The following ADAMTS3 variants were observed in gnomAD, a reference collection of about 807,000 sequenced individuals.
The protein encoded by ADAMTS3 is A disintegrin and metalloproteinase with thrombospondin motifs 3.
ADAMTS3 carries 73 observed loss-of-function variants against 129.0 expected under a neutral mutation model. That is an observed-to-expected ratio of 0.57 (90% confidence interval 0.47 to 0.69). The LOEUF (loss-of-function observed/expected upper bound fraction) is 0.69, where lower values mean the gene tolerates loss of function less well. Among genes scored for constraint, ADAMTS3 ranks in the 30% least tolerant of loss-of-function variants. The pLI is 0.00. For synonymous variants in ADAMTS3, 477 were observed against 510.8 expected (o/e 0.93, Z 0.89); for missense variants, 1,457 against 1,514.5 (o/e 0.96, Z 0.63).
intron 4 of ADAMTS3, among the ~76,000 whole-genome samples, chr4:72,410,941 T>C (rs1722171752): frequency 6.6e-6 from 1 of 152,152 alleles, no homozygotes; most frequent in African/African-American, 2.4e-5. Flanking sequence ...ATGCTATTCG[T>C]TTGCTAGAAA....
intron 17 of ADAMTS3, among the ~76,000 whole-genome samples, chr4:72,300,015 A>G (rs1372896093): frequency 6.6e-6 from 1 of 152,190 alleles, no homozygotes; most frequent in Non-Finnish European, 1.5e-5. Context: ...ATTCCAAACT[A>G]AATTTTTAGA....
At chr4:72,402,199 A>G (rs1232892855) in intron 4 of ADAMTS3, among the ~76,000 whole-genome samples, 1 of 152,142 alleles carries the variant, frequency 6.6e-6, no homozygotes, top group Non-Finnish European at 1.5e-5. Flanking sequence ...ATCAAAACCC[A>G]AGCATCTTTG....
intron 4 of ADAMTS3, among the ~76,000 whole-genome samples, chr4:72,362,778 G>A (rs959113887): frequency 1.3e-5 from 2 of 152,096 alleles, no homozygotes; most frequent in South Asian, 4.2e-4. Flanking sequence ...TTTAACAACA[G>A]TTGTGAAAAA....
At chr4:72,436,208 A>AT (rs1199714384) in intron 3 of ADAMTS3, among the ~76,000 whole-genome samples, 1 of 152,164 alleles carries the variant, frequency 6.6e-6, no homozygotes, top group Non-Finnish European at 1.5e-5. Flanking sequence ...ATGAACAGAC[A>AT]CTTCTCAAAA....
At chr4:72,322,716 T>G (rs1344318724) in intron 6 of ADAMTS3, among the ~76,000 whole-genome samples, 1 of 152,096 alleles carries the variant, frequency 6.6e-6, no homozygotes, top group East Asian at 1.9e-4. Flanking sequence ...GGAAATTCTC[T>G]CTCCTCATAA....
intron 3 of ADAMTS3, among the ~76,000 whole-genome samples, chr4:72,509,934 C>A (rs1720268740): frequency 6.6e-6 from 1 of 151,900 alleles, no homozygotes; most frequent in African/African-American, 2.4e-5. Flanking sequence ...TGGGAGTTAT[C>A]CCTGGGATTC....
At chr4:72,556,441 C>T (rs1394656810) in intron 2 of ADAMTS3, among the ~76,000 whole-genome samples, 1 of 151,720 alleles carries the variant, frequency 6.6e-6, no homozygotes, top group Non-Finnish European at 1.5e-5. Context: ...CAGAAGTCTT[C>T]AGTAGTATTG....
At position 72,462,405 on chromosome 4, in the gene ADAMTS3, G is replaced by A. The variant is rs140620708; in HGVS notation, c.505-47434C>T. On this transcript the variant is annotated intron_variant, in intron 3 of 21. Coordinates refer to ENST00000286657, the MANE Select transcript of ADAMTS3 (RefSeq NM_014243.3). ...TAGCCCTTGGCTGTTGAAACAATGCGCAGTCATGAAGACTCACAGACTAAA... is the reference window on the plus strand; with the variant it reads ...TAGCCCTTGGCTGTTGAAACAATGCACAGTCATGAAGACTCACAGACTAAA... Among the ~76,000 whole-genome samples, 11 of 152,070 alleles carry A rather than the reference G, an allele frequency of 7.2e-5. No homozygotes were observed. In the East Asian group the frequency reaches 1.6e-3, roughly 22 times the overall value.
At chr4:72,510,130 A>G (rs544215007) in intron 3 of ADAMTS3, among the ~76,000 whole-genome samples, 5 of 152,112 alleles carry the variant, frequency 3.3e-5, no homozygotes, top group African/African-American at 9.6e-5. Context: ...CCTCAACATA[A>G]TAAAAGCAAA....
chr4:72,448,293 A>G (rs963778142), intron 3 of ADAMTS3, among the ~76,000 whole-genome samples: 2 of 151,794 alleles, frequency 1.3e-5, no homozygotes, highest in Admixed American at 6.6e-5. Flanking sequence ...TAAGATCTAT[A>G]TAAGTAGGCA....
At chr4:72,309,651 T>A (rs1242979310) in intron 14 of ADAMTS3, 131 bp from the exon 15 acceptor site, 1 of 945,932 alleles carries the variant, frequency 1.1e-6, no homozygotes, top group African/African-American at 1.7e-5. Flanking sequence ...GCCACTGTAG[T>A]CATAATTTTT....
intron 3 of ADAMTS3, among the ~76,000 whole-genome samples, chr4:72,465,483 A>G (rs917166316): frequency 7.9e-5 from 12 of 151,930 alleles, no homozygotes; most frequent in African/African-American, 2.9e-4. Flanking sequence ...TGGGAGGGTT[A>G]AAAGTGGGGG....
At chr4:72,340,102 T>C (rs1207319122) in intron 4 of ADAMTS3, among the ~76,000 whole-genome samples, 1 of 152,132 alleles carries the variant, frequency 6.6e-6, no homozygotes, top group East Asian at 1.9e-4. Flanking sequence ...TAAGTTCCTG[T>C]AGCCATGGAG....
At chr4:72,566,584 A>G (rs925588896) in intron 2 of ADAMTS3, among the ~76,000 whole-genome samples, 1 of 152,258 alleles carries the variant, frequency 6.6e-6, no homozygotes, top group African/African-American at 2.4e-5. Flanking sequence ...TACTCTGCCA[A>G]AAAGAAAAAT....
intron 3 of ADAMTS3, among the ~76,000 whole-genome samples, chr4:72,475,134 AAAAT>A (rs1388701026): frequency 3.9e-5 from 6 of 152,006 alleles, no homozygotes; most frequent in Non-Finnish European, 7.4e-5. Flanking sequence ...ACAGAAAACA[AAAAT>A]AAAGTACCAA....
At chr4:72,536,579 C>T (rs114842062) in intron 3 of ADAMTS3, among the ~76,000 whole-genome samples, 1 of 152,092 alleles carries the variant, frequency 6.6e-6, no homozygotes, top group Admixed American at 6.5e-5. Flanking sequence ...CTTGGTAATG[C>T]CCTAATCTGA....
chr4:72,554,548 T>A (rs1419153836), intron 2 of ADAMTS3, among the ~76,000 whole-genome samples: 2 of 149,068 alleles, frequency 1.3e-5, no homozygotes, highest in African/African-American at 5.2e-5. Context: ...ACTTCGCTAT[T>A]TCTGTTCATG....
chr4:72,314,205 C>T lies in ADAMTS3; in HGVS notation c.1600-383G>A, dbSNP rs143508209. Among the ~76,000 whole-genome samples the T allele has an allele frequency of 1.8e-4, 28 of 152,228 alleles. No individual in the cohort carries two copies. The East Asian group carries it at 5.4e-3, about 29-fold the overall frequency. The stretch of plus-strand genomic sequence containing the variant: ...CAGAATATTTTGAGGGCTACATGAT[C>T]TTTTTAAAAATGATAAAATAAACTA... On this transcript the variant is annotated intron_variant, in intron 11 of 21. Coordinates refer to ENST00000286657, the MANE Select transcript of ADAMTS3 (RefSeq NM_014243.3).
At chr4:72,343,377 G>T (rs1720190115) in intron 4 of ADAMTS3, among the ~76,000 whole-genome samples, 1 of 152,084 alleles carries the variant, frequency 6.6e-6, no homozygotes, top group South Asian at 2.1e-4. Context: ...CAATTTTACA[G>T]GCTGTTCTTT....
Sources: allele counts gnomAD v4.1 joint callset (sites outside exome capture counted in the v4.1 genomes callset), GRCh38; gene constraint gnomAD v4.1.1; transcripts MANE v1.5; gene names NCBI Gene and HGNC (gene_info 2026-07-23, HGNC 2026-07-21).